The following CTNNA2 variants were observed in gnomAD, a reference collection of about 807,000 sequenced individuals.
CTNNA2 encodes the protein catenin alpha-2.
Under a neutral mutation model 101.0 loss-of-function variants are expected in CTNNA2, and 42 were observed. The observed-to-expected ratio is 0.42, with a 90% CI of 0.32 to 0.54. The LOEUF (loss-of-function observed/expected upper bound fraction) is 0.54, where lower values mean the gene tolerates loss of function less well. Ranked by LOEUF, CTNNA2 falls within the 20% of genes least tolerant of loss-of-function variation. CTNNA2 has a pLI of 0.14. For synonymous variants in CTNNA2, 450 were observed against 456.4 expected (o/e 0.99, Z 0.18); for missense variants, 871 against 1,223.1 (o/e 0.71, Z 4.29).
chr2:79,647,799 G>A (rs1001776957), intron 1 of CTNNA2, among the ~76,000 whole-genome samples: 2 of 152,346 alleles, frequency 1.3e-5, no homozygotes, highest in East Asian at 3.9e-4. Flanking sequence ...TTGATCATGT[G>A]TTGATGGTTT....
chr2:79,561,149 G>A (rs1027487360), intron 1 of CTNNA2, among the ~76,000 whole-genome samples: 7 of 151,744 alleles, frequency 4.6e-5, no homozygotes, highest in African/African-American at 1.7e-4. Context: ...GCTTATTGTC[G>A]ACATGTTATG....
At position 80,556,467 on chromosome 2, in the gene CTNNA2, T is replaced by C. The variant is rs544985229; in HGVS notation, c.1741+574T>C. ...TTAGGCTTTCAGCATATTCCCTTTC[T>C]TTCTAGGAAAGCTTTACATGCCCTT... On this transcript the variant is annotated intron_variant, in intron 12 of 18. Coordinates refer to ENST00000402739, the MANE Select transcript of CTNNA2 (RefSeq NM_001282597.3). 3.3e-5 allele frequency among the ~76,000 whole-genome samples: 5 copies of C among 152,332 alleles called. No homozygotes were observed. The South Asian group carries it at 1.0e-3, about 32-fold the overall frequency.
intron 1 of CTNNA2, among the ~76,000 whole-genome samples, chr2:79,560,809 T>C (rs1260450533): frequency 5.9e-5 from 9 of 151,956 alleles, no homozygotes; most frequent in African/African-American, 2.2e-4. Context: ...CCATCAGCTA[T>C]TGACTCAACC....
chr2:80,073,346 G>C (rs1698466376), intron 7 of CTNNA2, among the ~76,000 whole-genome samples: 1 of 152,176 alleles, frequency 6.6e-6, no homozygotes, highest in African/African-American at 2.4e-5. Flanking sequence ...AGAGGTCCCA[G>C]TTCAGAAAGG....
intron 3 of CTNNA2, among the ~76,000 whole-genome samples, chr2:79,817,651 A>G (rs778272277): frequency 3.3e-5 from 5 of 152,140 alleles, no homozygotes; most frequent in African/African-American, 7.2e-5. Context: ...GAGATGTTCA[A>G]TGGGGTCTTG....
intron 2 of CTNNA2, among the ~76,000 whole-genome samples, chr2:79,652,621 C>A (rs1402983118): frequency 6.6e-6 from 1 of 152,072 alleles, no homozygotes; most frequent in Non-Finnish European, 1.5e-5. Flanking sequence ...CCCAAATACT[C>A]CAGAAAAATC....
At chr2:79,289,867 C>G (rs1221487968) in intron 2 of CTNNA2, among the ~76,000 whole-genome samples, 2 of 152,214 alleles carry the variant, frequency 1.3e-5, no homozygotes, top group Admixed American at 6.5e-5. Flanking sequence ...GGAGTGAGGG[C>G]TCTAGAGCTT....
intron 14 of CTNNA2, among the ~76,000 whole-genome samples, chr2:80,585,144 T>C (rs1695869175): frequency 6.6e-6 from 1 of 152,204 alleles, no homozygotes; most frequent in African/African-American, 2.4e-5. Context: ...CTTGTCAGTT[T>C]GGGGACCCAT....
intron 2 of CTNNA2, among the ~76,000 whole-genome samples, chr2:79,676,436 A>C (rs539675709): frequency 6.6e-6 from 1 of 152,238 alleles, no homozygotes; most frequent in South Asian, 2.1e-4. Context: ...GAGAGCAGCA[A>C]GTGTAGGAGC....
chr2:80,250,180 G>A (rs903024931), intron 7 of CTNNA2, among the ~76,000 whole-genome samples: 6 of 115,612 alleles, frequency 5.2e-5, no homozygotes, highest in Admixed American at 2.8e-4. Context: ...ACATGGATGG[G>A]GGGAGAGAGA....
At chr2:79,763,989 C>T (rs1268220861) in intron 3 of CTNNA2, among the ~76,000 whole-genome samples, 2 of 152,228 alleles carry the variant, frequency 1.3e-5, no homozygotes, top group African/African-American at 4.8e-5. Flanking sequence ...ATCCACTCCC[C>T]TCCCTGCATG....
chr2:79,280,657 A>AGAGAGAGAGAGAG (rs1334847406), intron 2 of CTNNA2, among the ~76,000 whole-genome samples: 29 of 50,190 alleles, frequency 5.8e-4, no homozygotes, highest in Middle Eastern at 9.8e-3. Flanking sequence ...GTGTGTGTGT[A>AGAGAGAGAGAGAG]AGAGAAAGAG....
intron 7 of CTNNA2, among the ~76,000 whole-genome samples, chr2:80,197,609 A>G (rs1169337700): frequency 2.0e-5 from 3 of 152,112 alleles, no homozygotes; most frequent in Non-Finnish European, 2.9e-5. Flanking sequence ...CCCACCTCAG[A>G]ACATTCATTT....
intron 3 of CTNNA2, among the ~76,000 whole-genome samples, chr2:79,788,940 AAAGAGTTTAATGTCTAATGGT>A (rs1280402096): frequency 6.6e-6 from 1 of 152,212 alleles, no homozygotes; most frequent in Non-Finnish European, 1.5e-5. Flanking sequence ...TCTTGCTCTC[AAAGAGTTTAATGTCTAATGGT>A]AAGATAAACA....
intron 4 of CTNNA2, among the ~76,000 whole-genome samples, chr2:79,482,855 A>T (rs1443307400): frequency 6.6e-6 from 1 of 152,178 alleles, no homozygotes; most frequent in African/African-American, 2.4e-5. Flanking sequence ...AAGTCTGAAG[A>T]TAGTTTTGGT....
chr2:80,493,785 T>C (rs1248475751), intron 9 of CTNNA2, among the ~76,000 whole-genome samples: 1 of 152,182 alleles, frequency 6.6e-6, no homozygotes, highest in Non-Finnish European at 1.5e-5. Context: ...AATCACAGAG[T>C]AGCTGCTGAA....
intron 7 of CTNNA2, among the ~76,000 whole-genome samples, chr2:79,938,799 T>C (rs1687956168): frequency 6.6e-6 from 1 of 152,198 alleles, no homozygotes; most frequent in South Asian, 2.1e-4. Context: ...CATTGCCAAA[T>C]AGTACTCAGA....
At chr2:80,067,333 T>G (rs1408809219) in intron 7 of CTNNA2, among the ~76,000 whole-genome samples, 1 of 151,866 alleles carries the variant, frequency 6.6e-6, no homozygotes, top group Non-Finnish European at 1.5e-5. Flanking sequence ...GTTTTATATA[T>G]ATTTCAAAAC....
intron 7 of CTNNA2, among the ~76,000 whole-genome samples, chr2:80,209,252 A>C (rs1707735347): frequency 6.7e-6 from 1 of 150,256 alleles, no homozygotes; most frequent in South Asian, 2.1e-4. Flanking sequence ...CCCAGGCTGA[A>C]CTGCAGCGGC....
Sources: allele counts gnomAD v4.1 joint callset (sites outside exome capture counted in the v4.1 genomes callset), GRCh38; gene constraint gnomAD v4.1.1; transcripts MANE v1.5; gene names NCBI Gene and HGNC (gene_info 2026-07-23, HGNC 2026-07-21).